MAP4K4: variants seen among roughly 807,000 people sequenced by gnomAD.
The protein encoded by MAP4K4 is mitogen-activated protein kinase kinase kinase kinase 4, also known as HPK/GCK-like kinase HGK.
MAP4K4 carries 38 observed loss-of-function variants against 189.6 expected under a neutral mutation model. That is an observed-to-expected ratio of 0.20 (90% confidence interval 0.15 to 0.26). The LOEUF (loss-of-function observed/expected upper bound fraction) is 0.26, where lower values mean the gene tolerates loss of function less well. MAP4K4 is among the 10% of genes least tolerant of loss of function. The pLI, the probability that MAP4K4 is intolerant of heterozygous loss-of-function variation, is 1.00. For missense variants in MAP4K4, 1,054 were observed against 1,726.9 expected, an observed-to-expected ratio of 0.61 and a Z score of 6.91; for synonymous variants, 610 against 624.3, an observed-to-expected ratio of 0.98 and a Z score of 0.34.
At chr2:101,797,389 C>G (rs187167116) in intron 3 of MAP4K4, 9 of 1,290,618 alleles carry the variant, frequency 7.0e-6, no homozygotes, top group Non-Finnish European at 7.1e-6. Context: ...TCAGGGTGAG[C>G]CAGAAATGTA....
chr2:101,746,182 CTTG>C (rs1357650614), intron 2 of MAP4K4, among the ~76,000 whole-genome samples: 2 of 151,818 alleles, frequency 1.3e-5, no homozygotes, highest in East Asian at 3.9e-4. Flanking sequence ...GAGACACGCT[CTTG>C]TTGTGTTGCC....
intron 12 of MAP4K4, among the ~76,000 whole-genome samples, chr2:101,846,634 G>A (rs1453093411): frequency 3.3e-5 from 5 of 152,208 alleles, no homozygotes; most frequent in Non-Finnish European, 7.3e-5. Flanking sequence ...TATAAGCTAA[G>A]TAGATGCTGG....
chr2:101,757,032 G>A (rs1188019648), intron 2 of MAP4K4, among the ~76,000 whole-genome samples: 1 of 152,054 alleles, frequency 6.6e-6, no homozygotes, highest in Non-Finnish European at 1.5e-5. Context: ...AGTGGTACAG[G>A]GTTTGTTGGA....
intron 20 of MAP4K4, 69 bp downstream of exon 20, chr2:101,867,378 G>C: frequency 1.7e-6 from 2 of 1,202,228 alleles, no homozygotes; most frequent in South Asian, 1.3e-5. Flanking sequence ...AAAAATATGT[G>C]GTTGAGAGGC....
At chr2:101,893,224 A>G (rs1344721447) in exon 33 of MAP4K4, 3 of 456,470 alleles carry the variant, frequency 6.6e-6, no homozygotes, top group East Asian at 6.9e-5. Flanking sequence ...ATGAATGCAG[A>G]CACAGCAGCT....
At chr2:101,821,314 A>G (rs997172408) in intron 3 of MAP4K4, among the ~76,000 whole-genome samples, 4 of 152,176 alleles carry the variant, frequency 2.6e-5, no homozygotes, top group African/African-American at 9.7e-5. Context: ...AACCATGAGG[A>G]TACGTTCTCA....
chr2:101,786,958 A>G (rs531902095), intron 2 of MAP4K4, among the ~76,000 whole-genome samples: 1 of 152,312 alleles, frequency 6.6e-6, no homozygotes, highest in South Asian at 2.1e-4. Flanking sequence ...CTGGCATTTT[A>G]TATTTATTTT....
At chr2:101,717,473 C>A (rs2149389131) in intron 2 of MAP4K4, among the ~76,000 whole-genome samples, 1 of 152,286 alleles carries the variant, frequency 6.6e-6, no homozygotes, top group South Asian at 2.1e-4. Context: ...AAGTTTAAGG[C>A]TCTCATATAA....
intron 1 of MAP4K4, 105 bp downstream of exon 1, chr2:101,698,242 C>A: frequency 2.5e-6 from 1 of 407,756 alleles, no homozygotes; most frequent in Non-Finnish European, 3.4e-6. Flanking sequence ...GTGGGCAGAG[C>A]CGCGGGGCGC....
intron 3 of MAP4K4, among the ~76,000 whole-genome samples, chr2:101,811,536 C>T (rs1408608217): frequency 6.6e-6 from 1 of 151,794 alleles, no homozygotes; most frequent in African/African-American, 2.4e-5. Context: ...AGCTCACCCT[C>T]CCAGGTGTTG....
intron 24 of MAP4K4, 72 bp downstream of exon 24, chr2:101,871,757 G>A: frequency 7.1e-7 from 1 of 1,400,550 alleles, no homozygotes; most frequent in Non-Finnish European, 9.6e-7. Flanking sequence ...GTTTGCAAAG[G>A]AGACCTTTCC....
intron 2 of MAP4K4, among the ~76,000 whole-genome samples, chr2:101,701,827 C>T (rs964606430): frequency 6.6e-6 from 1 of 151,962 alleles, no homozygotes; most frequent in African/African-American, 2.4e-5. Context: ...AAATTAAAAC[C>T]AGAAATAAAT....
intron 3 of MAP4K4, among the ~76,000 whole-genome samples, chr2:101,820,813 C>T (rs1043524127): frequency 2.0e-5 from 3 of 152,124 alleles, no homozygotes; most frequent in Non-Finnish European, 4.4e-5. Flanking sequence ...GGAGCAGGCT[C>T]GATGTGCCCC....
intron 2 of MAP4K4, among the ~76,000 whole-genome samples, chr2:101,742,691 C>T (rs1249859213): frequency 2.0e-5 from 3 of 152,102 alleles, no homozygotes; most frequent in African/African-American, 7.2e-5. Context: ...GCTCACAAGC[C>T]TTCTTTCTGC....
chr2:101,798,390 C>T (rs1014818155), intron 3 of MAP4K4, among the ~76,000 whole-genome samples: 2 of 152,058 alleles, frequency 1.3e-5, no homozygotes, highest in African/African-American at 2.4e-5. Flanking sequence ...ATACAAAATA[C>T]GAAAATTCTC....
chr2:101,800,021 C>T (rs531722744), intron 3 of MAP4K4, among the ~76,000 whole-genome samples: 34 of 152,100 alleles, frequency 2.2e-4, no homozygotes, highest in Non-Finnish European at 3.4e-4. Flanking sequence ...CTTCTAGGTT[C>T]ATGACAGCAC....
chr2:101,698,336 AC>A, intron 1 of MAP4K4, 136 bp from the exon 2 acceptor site: 3 of 817,486 alleles, frequency 3.7e-6, no homozygotes, highest in African/African-American at 1.8e-5. Context: ...CCGCCGCGCG[AC>A]CCCCGGGCGC....
At chr2:101,763,818 G>A (rs1206230907) in intron 2 of MAP4K4, among the ~76,000 whole-genome samples, 3 of 151,996 alleles carry the variant, frequency 2.0e-5, no homozygotes, top group Non-Finnish European at 4.4e-5. Flanking sequence ...TTGTAATTTC[G>A]GAAATGCCTT....
chr2:101,834,136 A>T (rs947942987), intron 7 of MAP4K4, among the ~76,000 whole-genome samples: 1 of 151,446 alleles, frequency 6.6e-6, no homozygotes, highest in African/African-American at 2.4e-5. Flanking sequence ...GTTTTAATTA[A>T]ATCAATTTTC....
Sources: allele counts gnomAD v4.1 joint callset (sites outside exome capture counted in the v4.1 genomes callset), GRCh38; gene constraint gnomAD v4.1.1; transcripts MANE v1.5; gene names NCBI Gene and HGNC (gene_info 2026-07-23, HGNC 2026-07-21).